The following TXNDC16 variants were observed in gnomAD, a reference collection of about 807,000 sequenced individuals.
TXNDC16 encodes the protein thioredoxin domain containing 16, also known as thioredoxin domain-containing protein 16.
In TXNDC16, 74 loss-of-function variants were observed where a neutral mutation model predicts 85.6. The observed-to-expected ratio is 0.86, with a 90% confidence interval of 0.72 to 1.05. TXNDC16 has a LOEUF of 1.05. TXNDC16 is among the 50% of genes least tolerant of loss of function. TXNDC16 has a pLI of 0.00. For missense variants in TXNDC16, 959 were observed against 947.0 expected (o/e 1.01, Z -0.17); for synonymous variants, 335 against 326.5 (o/e 1.03, Z -0.28).
At position 52,482,868 on chromosome 14, in the gene TXNDC16, A is replaced by G. The variant is rs774597344; in HGVS notation, c.1206T>C (p.Asn402=). ...TGCTGTCAGAAGCCATCACTGTTGC[A>G]TTAAATGTTTCTTCTGTTAGTTCCA... is the stretch of plus-strand genomic sequence containing the variant. ...LTVELTEETF[N]ATVMASDSIV... is the part of the protein sequence containing the mutation. Residue 402 remains asparagine, a synonymous_variant, in exon 13 of 21, where the codon AAT becomes AAC. Coordinates refer to ENST00000281741, the MANE Select transcript of TXNDC16 (RefSeq NM_020784.3). 1 of 1,612,430 alleles carries G rather than the reference A, an allele frequency of 6.2e-7. No individual in the cohort carries two copies. The highest frequency in any genetic ancestry group is 1.1e-5 in the South Asian group (1 of 90,966).
At chr14:52,493,004 C>G (rs538123118) in intron 9 of TXNDC16, among the ~76,000 whole-genome samples, 2 of 151,874 alleles carry the variant, frequency 1.3e-5, no homozygotes, top group Admixed American at 1.3e-4. Context: ...AGGTCAGGCA[C>G]GATGGCTCAC....
intron 6 of TXNDC16, among the ~76,000 whole-genome samples, chr14:52,534,356 T>C (rs2037651358): frequency 6.6e-6 from 1 of 152,220 alleles, no homozygotes; most frequent in South Asian, 2.1e-4. Context: ...CAGCTTTGAA[T>C]ATGGCCCAAC....
intron 20 of TXNDC16, among the ~76,000 whole-genome samples, chr14:52,438,211 C>G (rs2035077241): frequency 1.3e-5 from 2 of 152,196 alleles, no homozygotes. Flanking sequence ...GTTGATAAAG[C>G]AGCAGCAGCG....
In TXNDC16 at chr14:52,432,256, T is replaced by A; in HGVS notation, c.*48A>T. 6.7e-7 allele frequency: 1 copy of A among 1,502,306 alleles called. No individual in the cohort carries two copies. Among genetic ancestry groups the A allele is most frequent in the Non-Finnish European group, 8.9e-7 (1 of 1,120,942 alleles). 93.1% of individuals were successfully genotyped at this position (1,502,306 alleles called of 1,614,324 possible). A position where few individuals can be genotyped will look rare whatever the true frequency, so the allele number is the denominator to read the frequency against. ...TAATATTATTCTTTAAGGAAATAAATTAAGTCTATCATGCCAAAAAAATTT... is the reference window on the plus strand; with the variant it reads ...TAATATTATTCTTTAAGGAAATAAAATAAGTCTATCATGCCAAAAAAATTT... On this transcript the variant is annotated 3_prime_UTR_variant, in exon 21 of 21. Transcript: ENST00000281741.
intron 4 of TXNDC16, among the ~76,000 whole-genome samples, chr14:52,537,884 G>A (rs2037739770): frequency 6.6e-6 from 1 of 152,132 alleles, no homozygotes; most frequent in African/African-American, 2.4e-5. Flanking sequence ...CAGTCTCATG[G>A]AACCAGTATG....
rs2037045052 is a variant in TXNDC16, at chr14:52,514,933, C to T, written c.552G>A (p.Gly184=). Residue 184 remains glycine (G), a synonymous_variant, in exon 8 of 21, where the codon GGG becomes GGA. Coordinates refer to ENST00000281741, the MANE Select transcript of TXNDC16 (RefSeq NM_020784.3). ...TGGTTAAGACAAATTGGTATGTAGT[C>T]CCATACACAAAAGCGGCTTCCATGA... ...RAVMEAAFVY[G]TTYQFVLTTE... 8 of 1,612,820 alleles carry T rather than the reference C, an allele frequency of 5.0e-6. No homozygotes were observed. Among genetic ancestry groups the T allele is most frequent in the South Asian group, 1.1e-5 (1 of 90,946 alleles).
chr14:52,475,820 T>C (rs961575236), intron 14 of TXNDC16, among the ~76,000 whole-genome samples: 1 of 152,066 alleles, frequency 6.6e-6, no homozygotes, highest in Non-Finnish European at 1.5e-5. Flanking sequence ...ACCAATGCAC[T>C]TTCAAGCCAA....
At chr14:52,485,642 C>T (rs776430163) in intron 12 of TXNDC16, among the ~76,000 whole-genome samples, 2 of 152,072 alleles carry the variant, frequency 1.3e-5, no homozygotes, top group African/African-American at 2.4e-5. Context: ...TGTGTTTACA[C>T]GTTTAGATAC....
chr14:52,435,955 G>A (rs948327968), intron 20 of TXNDC16, among the ~76,000 whole-genome samples: 2 of 151,980 alleles, frequency 1.3e-5, no homozygotes, highest in Admixed American at 1.3e-4. Flanking sequence ...CTCCAGCCTT[G>A]GTGACAGAGT....
intron 9 of TXNDC16, among the ~76,000 whole-genome samples, chr14:52,510,892 G>A (rs1427421677): frequency 6.6e-6 from 1 of 152,124 alleles, no homozygotes. Context: ...TCTTAGCCAT[G>A]ATGTGGTCTT....
chr14:52,496,904 C>T (rs77182981), intron 9 of TXNDC16, among the ~76,000 whole-genome samples: 6 of 151,932 alleles, frequency 3.9e-5, no homozygotes, highest in East Asian at 1.9e-4. Flanking sequence ...AACCACTGCA[C>T]GCACCCTAAT....
intron 6 of TXNDC16, among the ~76,000 whole-genome samples, chr14:52,525,488 G>A (rs960891652): frequency 6.8e-6 from 1 of 146,296 alleles, no homozygotes; most frequent in African/African-American, 2.5e-5. Context: ...TCAGGAATTT[G>A]AGAACAGCCT....
At chr14:52,517,048 G>A (rs1489242140) in intron 7 of TXNDC16, among the ~76,000 whole-genome samples, 2 of 151,598 alleles carry the variant, frequency 1.3e-5, no homozygotes, top group African/African-American at 2.4e-5. Context: ...ACCAATTAAC[G>A]CAATCCCCTC....
chr14:52,444,159 T>C (rs1371366046), intron 18 of TXNDC16, among the ~76,000 whole-genome samples: 1 of 152,164 alleles, frequency 6.6e-6, no homozygotes. Context: ...AGAAACACAG[T>C]TAAGAGGTCA....
intron 2 of TXNDC16, 30 bp from the exon 3 acceptor site, chr14:52,543,660 T>C: frequency 7.8e-7 from 1 of 1,286,302 alleles, no homozygotes; most frequent in Admixed American, 2.8e-5. Flanking sequence ...CAACAAGAGT[T>C]TGTTGAATGA....
intron 10 of TXNDC16, 62 bp downstream of exon 10, chr14:52,490,777 T>G (rs1260503976): frequency 1.4e-5 from 21 of 1,542,460 alleles, no homozygotes; most frequent in Non-Finnish European, 1.6e-5. Flanking sequence ...ATTACCATAT[T>G]TTAAAACGTG....
At chr14:52,515,669 A>ATATATG (rs1431250631) in intron 7 of TXNDC16, among the ~76,000 whole-genome samples, 1 of 144,246 alleles carries the variant, frequency 6.9e-6, no homozygotes, top group African/African-American at 2.5e-5. Context: ...TTTCATACAT[A>ATATATG]TGTGTGTGTG....
intron 20 of TXNDC16, among the ~76,000 whole-genome samples, chr14:52,434,057 C>T (rs1195765726): frequency 6.6e-6 from 1 of 152,076 alleles, no homozygotes; most frequent in African/African-American, 2.4e-5. Context: ...GGCATGGTGG[C>T]ACGTGCCTGT....
At position 52,517,557 on chromosome 14, in the gene TXNDC16, C is replaced by A. The variant is rs140450424; in HGVS notation, c.514+1615G>T. 3.3e-3 allele frequency among the ~76,000 whole-genome samples: 503 copies of A among 152,188 alleles called. 2 individuals are homozygous for A. Among genetic ancestry groups the A allele is most frequent in the African/African-American group, 0.011 (474 of 41,516 alleles). On this transcript the variant is annotated intron_variant, in intron 7 of 20. Transcript: ENST00000281741. ...AAACTCTTAGCACCATATCTACCCA[C>A]CCACTTGGCTGAATGGATGTCCGCA...
Sources: allele counts gnomAD v4.1 joint callset (sites outside exome capture counted in the v4.1 genomes callset), GRCh38; gene constraint gnomAD v4.1.1; transcripts MANE v1.5; gene names NCBI Gene and HGNC (gene_info 2026-07-23, HGNC 2026-07-21).